The following SPATA13 variants were observed in gnomAD, a reference collection of about 807,000 sequenced individuals.
SPATA13 encodes the protein spermatogenesis associated 13, also known as spermatogenesis-associated protein 13.
SPATA13 carries 50 observed loss-of-function variants against 104.0 expected under a neutral mutation model. That is an observed-to-expected ratio of 0.48 (90% CI 0.38 to 0.61). The LOEUF (loss-of-function observed/expected upper bound fraction) is 0.61, where lower values mean the gene tolerates loss of function less well. Ranked by LOEUF, SPATA13 falls within the 20% of genes least tolerant of loss-of-function variation. SPATA13 has a pLI of 0.00. For missense variants in SPATA13, 1,524 were observed against 1,690.6 expected, an observed-to-expected ratio of 0.90 and a Z score of 1.73; for synonymous variants, 606 against 667.5, an observed-to-expected ratio of 0.91 and a Z score of 1.42.
At chr13:24,056,882 G>C (rs1180720935) in intron 3 of SPATA13, among the ~76,000 whole-genome samples, 1 of 150,656 alleles carries the variant, frequency 6.6e-6, no homozygotes, top group African/African-American at 2.4e-5. Context: ...CCTTATCCTT[G>C]ACAGGGCAAG....
In SPATA13 at chr13:24,186,518, TC is replaced by T. The variant is rs1456913918; in HGVS notation, c.-112+25587del. 2.0e-5 allele frequency among the ~76,000 whole-genome samples: 3 copies of T among 152,138 alleles called. No individual in the cohort carries two copies. The East Asian group carries it at 5.8e-4, about 29-fold the overall frequency. ...CCCAGAAACGAATAAAAATAGGACATCAACAATGTTCTACGAGTCAAGATTA... is the reference window on the plus strand; with the variant it reads ...CCCAGAAACGAATAAAAATAGGACATAACAATGTTCTACGAGTCAAGATTA... On this transcript the variant is annotated intron_variant, in intron 1 of 12. Coordinates refer to ENST00000382108, the MANE Select transcript of SPATA13 (RefSeq NM_001166271.3).
intron 3 of SPATA13, among the ~76,000 whole-genome samples, chr13:24,112,435 A>G (rs1880672825): frequency 6.6e-6 from 1 of 152,164 alleles, no homozygotes; most frequent in Non-Finnish European, 1.5e-5. Context: ...TGAGCTCAGT[A>G]TACACTGTGC....
At chr13:24,040,046 A>G (rs1877857078) in intron 3 of SPATA13, among the ~76,000 whole-genome samples, 1 of 152,196 alleles carries the variant, frequency 6.6e-6, no homozygotes, top group Non-Finnish European at 1.5e-5. Context: ...CCGTTTGGTG[A>G]GGTGAGCATA....
chr13:24,070,500 A>G (rs1333171512), intron 3 of SPATA13, among the ~76,000 whole-genome samples: 1 of 152,202 alleles, frequency 6.6e-6, no homozygotes, highest in Non-Finnish European at 1.5e-5. Context: ...CTGAGCCAAT[A>G]GAACTTTACT....
chr13:24,114,772 C>G (rs1237170990), intron 3 of SPATA13, among the ~76,000 whole-genome samples: 1 of 152,152 alleles, frequency 6.6e-6, no homozygotes, highest in Admixed American at 6.5e-5. Context: ...AAGTGATTCT[C>G]TTGTCTCAGC....
intron 2 of SPATA13, among the ~76,000 whole-genome samples, chr13:24,004,858 C>G (rs1007390997): frequency 1.3e-5 from 2 of 152,288 alleles, no homozygotes; most frequent in East Asian, 3.9e-4. Context: ...CATTAAACCA[C>G]AAACCCTTCC....
At position 24,302,851 on chromosome 13, in the gene SPATA13, G is replaced by A. The variant is rs1267344262; in HGVS notation, c.*78G>A. 1.3e-5 allele frequency: 20 copies of A among 1,589,702 alleles called. No homozygotes were observed. The highest frequency in any genetic ancestry group is 1.7e-5 in the Non-Finnish European group (20 of 1,162,506). On this transcript the variant is annotated 3_prime_UTR_variant, in exon 13 of 13. Transcript: ENST00000382108. ...TGTTTCTTGTGTGCTTCAATCCAGG[G>A]AAAGTTTCTTGGACCCAGTGATAAA...
intron 3 of SPATA13, among the ~76,000 whole-genome samples, chr13:24,023,215 A>G (rs1877063578): frequency 6.6e-6 from 1 of 152,098 alleles, no homozygotes; most frequent in African/African-American, 2.4e-5. Context: ...GTTGCTCAGA[A>G]TCATGATTTC....
In SPATA13 at chr13:24,085,225, T is replaced by A. The variant is rs1335643728; in HGVS notation, c.-112+67524T>A. Among the ~76,000 whole-genome samples the A allele has an allele frequency of 2.0e-5, 3 of 152,092 alleles. No individual in the cohort carries two copies. In the East Asian group the frequency reaches 5.8e-4, roughly 29 times the overall value. ...GCAACCTCTGCCTCCCGGGATCAAGTGATTCTCCTGCCTCAGCCTCCCAAG... is the reference window on the plus strand; with the variant it reads ...GCAACCTCTGCCTCCCGGGATCAAGAGATTCTCCTGCCTCAGCCTCCCAAG... On this transcript the variant is annotated intron_variant, in intron 3 of 14. Transcript: ENST00000424834.
At position 24,076,562 on chromosome 13, in the gene SPATA13, C is replaced by T. The variant is rs117248550; in HGVS notation, c.-112+58861C>T. Among the ~76,000 whole-genome samples, 73 of 152,030 alleles carry T rather than the reference C, an allele frequency of 4.8e-4. No individual in the cohort carries two copies. In the East Asian group the frequency reaches 6.2e-3, roughly 13 times the overall value. ...CTGAGAAGAGTGAATATGAACGAAG[C>T]AGCAGACCCCGGGACAGGAAACCAG... On this transcript the variant is annotated intron_variant, in intron 3 of 14. Coordinates refer to the SPATA13 transcript ENST00000424834.
chr13:24,001,608 G>A (rs1349028135), intron 2 of SPATA13, among the ~76,000 whole-genome samples: 1 of 151,984 alleles, frequency 6.6e-6, no homozygotes, highest in Admixed American at 6.5e-5. Context: ...CTTCCCAGGA[G>A]ACCCTAGCAG....
intron 4 of SPATA13, among the ~76,000 whole-genome samples, chr13:24,275,540 C>G (rs1173767372): frequency 6.6e-6 from 1 of 152,260 alleles, no homozygotes; most frequent in Non-Finnish European, 1.5e-5. Flanking sequence ...AGAGCCTGCT[C>G]TGTCTGCTCT....
At chr13:24,083,402 G>A (rs1213505628) in intron 3 of SPATA13, among the ~76,000 whole-genome samples, 1 of 152,186 alleles carries the variant, frequency 6.6e-6, no homozygotes, top group African/African-American at 2.4e-5. Flanking sequence ...TCACAAACAA[G>A]TCAGCAGAGT....
intron 3 of SPATA13, chr13:24,034,379 C>T (rs924009565): frequency 1.3e-5 from 2 of 152,170 alleles, no homozygotes; most frequent in Non-Finnish European, 2.9e-5. Flanking sequence ...ACCAAATTTT[C>T]CATCAAACTG....
At chr13:24,107,284 C>G (rs563550092) in intron 3 of SPATA13, among the ~76,000 whole-genome samples, 9 of 138,920 alleles carry the variant, frequency 6.5e-5, no homozygotes, top group Admixed American at 5.2e-4. Flanking sequence ...TGGTTCTCCA[C>G]TCAGTCAGTT....
chr13:24,083,484 A>G (rs1400462772), intron 3 of SPATA13, among the ~76,000 whole-genome samples: 2 of 152,260 alleles, frequency 1.3e-5, no homozygotes, highest in East Asian at 3.9e-4. Context: ...CTTGAGTTGA[A>G]GTCCAGGCGG....
At chr13:24,171,963 G>T (rs1438516758) in intron 1 of SPATA13, among the ~76,000 whole-genome samples, 1 of 152,042 alleles carries the variant, frequency 6.6e-6, no homozygotes, top group Non-Finnish European at 1.5e-5. Flanking sequence ...TCATTCGGAG[G>T]GGTTACTCAG....
At chr13:24,268,250 CT>C (rs938524383) in intron 4 of SPATA13, among the ~76,000 whole-genome samples, 6 of 152,176 alleles carry the variant, frequency 3.9e-5, no homozygotes, top group African/African-American at 1.4e-4. Flanking sequence ...TTTTCAAACT[CT>C]TTTCTTGGAG....
At chr13:24,224,716 T>C (rs763206498) in intron 2 of SPATA13, 134 bp downstream of exon 2, 76 of 895,448 alleles carry the variant, frequency 8.5e-5, no homozygotes, top group Non-Finnish European at 1.2e-4. Flanking sequence ...ACAGTATTAG[T>C]GGGAATGGGA....
Sources: gnomAD v4.1 joint callset for allele counts (sites outside exome capture counted in the v4.1 genomes callset) on GRCh38, gnomAD v4.1.1 for gene constraint, MANE v1.5 for transcripts, NCBI Gene and HGNC (gene_info 2026-07-23, HGNC 2026-07-21) for gene names.